PRKCE: variants seen among roughly 807,000 people sequenced by gnomAD.
The protein encoded by PRKCE is protein kinase C epsilon type.
Under a neutral mutation model 85.4 loss-of-function variants are expected in PRKCE, and 16 were observed. The ratio of observed to expected loss-of-function variants is 0.19; its 90% CI spans 0.13 to 0.28. PRKCE has a LOEUF of 0.28. Ranked by LOEUF, PRKCE falls within the 10% of genes least tolerant of loss-of-function variation. PRKCE has a pLI of 1.00. For synonymous variants in PRKCE, 388 were observed against 371.5 expected (o/e 1.04, Z -0.51); for missense variants, 573 against 975.2 (o/e 0.59, Z 5.49).
intron 2 of PRKCE, among the ~76,000 whole-genome samples, chr2:45,904,361 C>A (rs187079662): frequency 1.3e-5 from 2 of 152,098 alleles, no homozygotes; most frequent in Admixed American, 1.3e-4. Context: ...GGGGGTGGCA[C>A]GTGCCCATCC....
intron 1 of PRKCE, among the ~76,000 whole-genome samples, chr2:45,687,398 A>T: frequency 6.6e-6 from 1 of 152,196 alleles, no homozygotes; most frequent in East Asian, 1.9e-4. Flanking sequence ...ATTTTTATTA[A>T]CTGTTAGAAT....
At chr2:45,668,668 G>A (rs548124209) in intron 1 of PRKCE, among the ~76,000 whole-genome samples, 40 of 152,134 alleles carry the variant, frequency 2.6e-4, no homozygotes, top group African/African-American at 7.0e-4. Context: ...TCACCCTCTC[G>A]GTGCTAATGA....
intron 1 of PRKCE, among the ~76,000 whole-genome samples, chr2:45,743,317 G>A (rs1332551462): frequency 1.3e-5 from 2 of 152,094 alleles, no homozygotes; most frequent in Non-Finnish European, 2.9e-5. Flanking sequence ...GCTTGATTGT[G>A]GTAATTACTT....
chr2:45,872,243 A>G (rs1217439362), intron 2 of PRKCE, among the ~76,000 whole-genome samples: 1 of 152,178 alleles, frequency 6.6e-6, no homozygotes, highest in Non-Finnish European at 1.5e-5. Context: ...TCAGCCATGC[A>G]GGAATGAAAG....
Position 45,652,943 on chromosome 2 carries a change from A to G in PRKCE, c.348+495A>G, listed in dbSNP as rs918456395. On this transcript the variant is annotated intron_variant, in intron 1 of 14. Transcript: ENST00000306156. This position sits in a 1 kb window ranked among gnomAD's most constrained non-coding sequence, Gnocchi z 7.7. ...TCCGAGAGGAAGCTGGCTTGTTTCTATTCTCTTGCATGGTGGTTAGCTCAT... is the reference window on the plus strand; with the variant it reads ...TCCGAGAGGAAGCTGGCTTGTTTCTGTTCTCTTGCATGGTGGTTAGCTCAT... Among the ~76,000 whole-genome samples the G allele has an allele frequency of 3.0e-4, 46 of 151,940 alleles. No individual in the cohort carries two copies. Among genetic ancestry groups the G allele is most frequent in the African/African-American group, 1.0e-3 (42 of 41,342 alleles).
chr2:45,972,901 A>G (rs55756363), intron 2 of PRKCE, among the ~76,000 whole-genome samples: 2,008 of 152,326 alleles, frequency 0.013, 40 homozygotes, highest in African/African-American at 0.045. Context: ...GACAGAAAAA[A>G]CAATCCTAAA....
rs555596711 is a variant in PRKCE, at chr2:46,075,372, T to C, written c.1438-10836T>C. On this transcript the variant is annotated intron_variant, in intron 10 of 14. Coordinates refer to ENST00000306156, the MANE Select transcript of PRKCE (RefSeq NM_005400.3). ...CTTATAAGAAATATTTCATAGGTCC[T>C]AAACTTCGGCCGCAAACAGCTGGCT... Among the ~76,000 whole-genome samples the C allele has an allele frequency of 2.3e-4, 35 of 152,138 alleles. No individual in the cohort carries two copies. In the South Asian group the frequency reaches 4.8e-3, roughly 21 times the overall value.
At chr2:46,125,401 T>C (rs1558481174) in intron 11 of PRKCE, among the ~76,000 whole-genome samples, 1 of 152,228 alleles carries the variant, frequency 6.6e-6, no homozygotes, top group Non-Finnish European at 1.5e-5. Context: ...TAACAGTGAC[T>C]GGATTTAAAA....
chr2:46,122,683 T>A lies in PRKCE; in HGVS notation c.1593-22410T>A, dbSNP rs141752853. 6.4e-4 allele frequency among the ~76,000 whole-genome samples: 97 copies of A among 152,278 alleles called. No homozygotes were observed. The East Asian group carries it at 0.016, about 26-fold the overall frequency. On this transcript the variant is annotated intron_variant, in intron 11 of 14. Coordinates refer to ENST00000306156, the MANE Select transcript of PRKCE (RefSeq NM_005400.3). ...TAATAATTATTATTGAGGGGTTAAATTGGGCCTGACAGTAAGTGTTTTCTG... is the reference window on the plus strand; with the variant it reads ...TAATAATTATTATTGAGGGGTTAAAATGGGCCTGACAGTAAGTGTTTTCTG...
chr2:45,936,542 A>G (rs1235008547), intron 2 of PRKCE, among the ~76,000 whole-genome samples: 1 of 152,046 alleles, frequency 6.6e-6, no homozygotes, highest in Non-Finnish European at 1.5e-5. Context: ...GAGGCCCGAC[A>G]TCCAAAACAT....
At chr2:46,104,260 C>T (rs1045673480) in intron 11 of PRKCE, among the ~76,000 whole-genome samples, 3 of 150,972 alleles carry the variant, frequency 2.0e-5, no homozygotes, top group Non-Finnish European at 2.9e-5. Context: ...TCTTGAATTA[C>T]CCCAAGATCC....
chr2:45,790,796 C>T (rs1558675164), intron 1 of PRKCE, among the ~76,000 whole-genome samples: 2 of 152,236 alleles, frequency 1.3e-5, no homozygotes, highest in Non-Finnish European at 2.9e-5. Context: ...TGTTTCTGCA[C>T]AATCCTTGGA....
chr2:45,829,642 C>T (rs1344709048), intron 1 of PRKCE, among the ~76,000 whole-genome samples: 1 of 152,188 alleles, frequency 6.6e-6, no homozygotes, highest in Non-Finnish European at 1.5e-5. Context: ...AGAGCAGCTT[C>T]TCTGCAGGAC....
intron 2 of PRKCE, among the ~76,000 whole-genome samples, chr2:45,952,342 A>G (rs191764663): frequency 1.6e-4 from 25 of 152,358 alleles, no homozygotes; most frequent in Non-Finnish European, 2.6e-4. Context: ...GCAAGCGTAC[A>G]TAAGTCATCA....
chr2:46,175,122 G>A (rs905584958), intron 14 of PRKCE, among the ~76,000 whole-genome samples: 3 of 151,998 alleles, frequency 2.0e-5, no homozygotes, highest in Non-Finnish European at 4.4e-5. Context: ...TGTCCCACCA[G>A]TATATATAAA....
chr2:46,101,031 G>T (rs1273392309), intron 11 of PRKCE, among the ~76,000 whole-genome samples: 1 of 151,994 alleles, frequency 6.6e-6, no homozygotes, highest in East Asian at 1.9e-4. Context: ...CAACTTGCCT[G>T]GTTCACTGTT....
At chr2:45,736,270 A>G (rs1682051957) in intron 1 of PRKCE, among the ~76,000 whole-genome samples, 1 of 152,058 alleles carries the variant, frequency 6.6e-6, no homozygotes, top group Non-Finnish European at 1.5e-5. Flanking sequence ...CGACATACAC[A>G]TTTTTATTCT....
intron 2 of PRKCE, among the ~76,000 whole-genome samples, chr2:45,906,376 G>A (rs1211122312): frequency 6.6e-6 from 1 of 152,236 alleles, no homozygotes; most frequent in Non-Finnish European, 1.5e-5. Context: ...AACCCCTGTG[G>A]ATCTTCAGCT....
intron 14 of PRKCE, among the ~76,000 whole-genome samples, chr2:46,170,500 CT>C (rs1471232865): frequency 3.3e-5 from 5 of 152,236 alleles, no homozygotes; most frequent in Non-Finnish European, 7.3e-5. Context: ...AGAGTTACAT[CT>C]GTTTTGTTCA....
Sources: allele counts gnomAD v4.1 joint callset (sites outside exome capture counted in the v4.1 genomes callset), GRCh38; gene constraint gnomAD v4.1.1; non-coding constraint Gnocchi (gnomAD v3.1); transcripts MANE v1.5; gene names NCBI Gene and HGNC (gene_info 2026-07-23, HGNC 2026-07-21).